Variants in IFT88 observed in about 807,000 individuals in gnomAD.
The protein encoded by IFT88 is intraflagellar transport protein 88 homolog.
In IFT88, 74 loss-of-function variants were observed where a neutral mutation model predicts 119.5. That is an observed-to-expected ratio of 0.62 (90% CI 0.51 to 0.75). The LOEUF (loss-of-function observed/expected upper bound fraction) is 0.75, where lower values mean the gene tolerates loss of function less well. Among genes scored for constraint, IFT88 ranks in the 30% least tolerant of loss-of-function variants. The pLI, the probability that IFT88 is intolerant of heterozygous loss-of-function variation, is 0.00. For missense variants in IFT88, 961 were observed against 977.7 expected (o/e 0.98, Z 0.23); for synonymous variants, 279 against 316.7 (o/e 0.88, Z 1.26).
At chr13:20,639,569 A>G (rs937498027) in intron 17 of IFT88, among the ~76,000 whole-genome samples, 3 of 152,194 alleles carry the variant, frequency 2.0e-5, no homozygotes, top group African/African-American at 7.2e-5. Context: ...TTCAAGTCAT[A>G]GAAGGAAGGG....
chr13:20,643,762 GT>G (rs2050308937), intron 19 of IFT88, among the ~76,000 whole-genome samples, 157 bp downstream of exon 19: 1 of 152,062 alleles, frequency 6.6e-6, no homozygotes, highest in Admixed American at 6.6e-5. Context: ...TTTTTGTTTT[GT>G]TTTGTTTTGA....
chr13:20,591,832 A>C (rs988528709), intron 6 of IFT88, 151 bp downstream of exon 6: 4 of 578,202 alleles, frequency 6.9e-6, no homozygotes, highest in Admixed American at 6.7e-5. Flanking sequence ...TAAGAAAGGA[A>C]AAGGATGATG....
rs577487790 is a variant in IFT88, at chr13:20,629,495, A to G, written c.1300-1521A>G. ...AACTACTGACCTAGAAACTTCCATC[A>G]GTTTTCTTTGAAGTCATCAAAAACC... On this transcript the variant is annotated intron_variant, in intron 15 of 25. Coordinates refer to ENST00000351808, the MANE Select transcript of IFT88 (RefSeq NM_006531.5). 3.3e-5 allele frequency among the ~76,000 whole-genome samples: 5 copies of G among 152,320 alleles called. No homozygotes were observed. In the East Asian group the frequency reaches 7.7e-4, roughly 23 times the overall value.
chr13:20,587,250 A>G (rs1593842564), intron 3 of IFT88, among the ~76,000 whole-genome samples: 1 of 148,076 alleles, frequency 6.8e-6, no homozygotes, highest in African/African-American at 2.5e-5. Context: ...TTGTTTGCCT[A>G]CTGCTTTTTT....
intron 2 of IFT88, 152 bp downstream of exon 2, chr13:20,574,627 T>C: frequency 2.2e-6 from 1 of 452,998 alleles, no homozygotes; most frequent in Non-Finnish European, 4.0e-6. Flanking sequence ...CTCTACTGAC[T>C]TCCACCAAAA....
chr13:20,661,734 TAA>T (rs10544629), intron 22 of IFT88, among the ~76,000 whole-genome samples: 6,672 of 143,808 alleles, frequency 0.046, 196 homozygotes, highest in Middle Eastern at 0.078. Flanking sequence ...GACTCCATCT[TAA>T]AAAAAAAAAA....
intron 2 of IFT88, among the ~76,000 whole-genome samples, chr13:20,577,177 CAT>C (rs1178908863): frequency 1.3e-5 from 2 of 152,154 alleles, no homozygotes; most frequent in Non-Finnish European, 2.9e-5. Flanking sequence ...TCACTTTTGA[CAT>C]ATAGAAATGC....
At chr13:20,597,561 G>A (rs969415210) in intron 9 of IFT88, among the ~76,000 whole-genome samples, 10 of 151,982 alleles carry the variant, frequency 6.6e-5, no homozygotes, top group South Asian at 6.2e-4. Context: ...TGGCTAACAT[G>A]GTGAAACCCC....
intron 5 of IFT88, 65 bp from the exon 6 acceptor site, chr13:20,591,553 T>C (rs1212772834): frequency 1.7e-6 from 2 of 1,189,128 alleles, no homozygotes; most frequent in Non-Finnish European, 2.5e-6. Context: ...GTGTGTGTAA[T>C]GTGCAGAACT....
chr13:20,601,528 A>G (rs1190857969), intron 11 of IFT88, among the ~76,000 whole-genome samples, 177 bp from the exon 12 acceptor site: 2 of 152,242 alleles, frequency 1.3e-5, no homozygotes, highest in Non-Finnish European at 2.9e-5. Context: ...TTATCGAATC[A>G]TATACTTAAA....
At chr13:20,574,013 G>A (rs1010263600) in intron 1 of IFT88, among the ~76,000 whole-genome samples, 7 of 152,172 alleles carry the variant, frequency 4.6e-5, no homozygotes, top group Non-Finnish European at 8.8e-5. Flanking sequence ...TCATTAAATA[G>A]TTATACTTTA....
At chr13:20,608,414 A>AG (rs1300353302) in intron 13 of IFT88, among the ~76,000 whole-genome samples, 1 of 152,130 alleles carries the variant, frequency 6.6e-6, no homozygotes, top group Non-Finnish European at 1.5e-5. Flanking sequence ...CTGTCATCTG[A>AG]GGGCCGGGTC....
At chr13:20,589,415 A>G (rs767667478) in intron 3 of IFT88, among the ~76,000 whole-genome samples, 4 of 152,232 alleles carry the variant, frequency 2.6e-5, no homozygotes, top group African/African-American at 4.8e-5. Context: ...GAGATTAAAT[A>G]AAGGTATCTG....
chr13:20,591,000 C>T lies in IFT88; in HGVS notation c.244C>T (p.Pro82Ser), dbSNP rs149506260. 2.4e-3 allele frequency: 3,792 copies of T among 1,609,970 alleles called. 74 individuals are homozygous for T. The highest frequency in any genetic ancestry group is 8.9e-4 in the Non-Finnish European group (1,044 of 1,177,556). ...ATCTCTGGCATCATCAATAGGAAGA[C>T]CAATGACAGGGGCTATTCAGGTATC... ...KTSLASSIGR[P>S]MTGAIQDGVT... The change falls in exon 5 of 26, where the codon CCA becomes TCA. Residue 82 changes from proline to serine, a missense_variant. Coordinates refer to ENST00000351808, the MANE Select transcript of IFT88 (RefSeq NM_006531.5).
intron 14 of IFT88, among the ~76,000 whole-genome samples, chr13:20,622,207 G>C (rs1375489009): frequency 1.3e-5 from 2 of 152,138 alleles, no homozygotes; most frequent in African/African-American, 4.8e-5. Flanking sequence ...AAAAGTTTCA[G>C]ATTCTGTTGT....
chr13:20,653,988 A>G, intron 21 of IFT88, 60 bp downstream of exon 21: 3 of 874,574 alleles, frequency 3.4e-6, no homozygotes, highest in Non-Finnish European at 5.5e-6. Context: ...TTAGGTAATT[A>G]TGCATATAAA....
intron 2 of IFT88, among the ~76,000 whole-genome samples, chr13:20,576,153 C>T (rs1178155016): frequency 2.0e-5 from 3 of 152,136 alleles, no homozygotes; most frequent in African/African-American, 7.2e-5. Context: ...TACATGCTTG[C>T]CATTTGTATG....
chr13:20,691,230 T>C lies in IFT88; in HGVS notation c.*55T>C. ...AAATTGCCTTATGAGATCATCCTCA[T>C]GTTAAACCTTGGATTAAATATCTAA... On this transcript the variant is annotated 3_prime_UTR_variant, in exon 26 of 26. Transcript: ENST00000351808. 6.7e-7 allele frequency: 1 copy of C among 1,485,972 alleles called. No individual in the cohort carries two copies. The highest frequency in any genetic ancestry group is 9.2e-7 in the Non-Finnish European group (1 of 1,090,126). The allele number at this position is 1,485,972 out of a possible 1,614,324, so 92.0% of individuals were successfully genotyped here.
intron 9 of IFT88, among the ~76,000 whole-genome samples, chr13:20,597,589 A>G (rs956771253): frequency 1.4e-4 from 21 of 151,978 alleles, no homozygotes; most frequent in Middle Eastern, 3.4e-3. Flanking sequence ...CTAAAAATAC[A>G]AAAAATTAGC....
Sources: gnomAD v4.1 joint callset for allele counts (sites outside exome capture counted in the v4.1 genomes callset) on GRCh38, gnomAD v4.1.1 for gene constraint, MANE v1.5 for transcripts, NCBI Gene and HGNC (gene_info 2026-07-23, HGNC 2026-07-21) for gene names.